The following PRKN variants were observed in gnomAD, a reference collection of about 807,000 sequenced individuals.
PRKN encodes the protein parkin RBR E3 ubiquitin protein ligase, also known as E3 ubiquitin-protein ligase parkin.
Under a neutral mutation model 59.5 loss-of-function variants are expected in PRKN, and 56 were observed. The ratio of observed to expected loss-of-function variants is 0.94; its 90% CI spans 0.76 to 1.18. PRKN has a LOEUF of 1.18. Among genes scored for constraint, PRKN ranks in the 50% most tolerant of loss-of-function variants. The probability of loss-of-function intolerance (pLI) is 0.00; values close to 1 mark genes in which losing one functional copy is unlikely to be tolerated. For synonymous variants in PRKN, 250 were observed against 222.1 expected (o/e 1.13, Z -1.12); for missense variants, 657 against 596.4 (o/e 1.10, Z -1.06).
chr6:161,731,885 G>A (rs1044190625), intron 7 of PRKN, among the ~76,000 whole-genome samples: 18 of 152,078 alleles, frequency 1.2e-4, no homozygotes, highest in African/African-American at 4.3e-4. Context: ...TAACTGTGAC[G>A]ACTTGGTAGA....
chr6:162,702,449 C>T (rs371646480), intron 1 of PRKN, among the ~76,000 whole-genome samples: 10 of 151,998 alleles, frequency 6.6e-5, no homozygotes, highest in East Asian at 1.9e-4. Flanking sequence ...TTAAACAAAA[C>T]GGACAAAGAA....
chr6:161,735,369 A>G (rs991078978), intron 7 of PRKN, among the ~76,000 whole-genome samples: 4 of 152,126 alleles, frequency 2.6e-5, no homozygotes, highest in Non-Finnish European at 5.9e-5. Context: ...AAGAGTAAAT[A>G]TATTTTCTCT....
At chr6:162,077,586 C>T (rs1778880204) in intron 4 of PRKN, among the ~76,000 whole-genome samples, 1 of 152,018 alleles carries the variant, frequency 6.6e-6, no homozygotes, top group East Asian at 1.9e-4. Flanking sequence ...CAAAATAGCC[C>T]ATCCCACCAC....
chr6:161,707,892 C>A (rs1379399310), intron 7 of PRKN, among the ~76,000 whole-genome samples: 1 of 152,092 alleles, frequency 6.6e-6, no homozygotes, highest in Non-Finnish European at 1.5e-5. Flanking sequence ...TGGTTACTGG[C>A]TCTTAACATT....
rs1455060374 is a variant in PRKN at position 161,762,063 on chromosome 6, C to T, written c.871+23709G>A. Reference sequence around the variant, plus strand: ...TGGCATAGACGGGACAGAATTCCTACGGGTGAGGGCTGAAAAAACAACAGG... The same window carrying T: ...TGGCATAGACGGGACAGAATTCCTATGGGTGAGGGCTGAAAAAACAACAGG... On this transcript the variant is annotated intron_variant, in intron 7 of 11. Coordinates refer to ENST00000366898, the MANE Select transcript of PRKN (RefSeq NM_004562.3). Among the ~76,000 whole-genome samples, 5 of 152,102 alleles carry T rather than the reference C, an allele frequency of 3.3e-5. No individual in the cohort carries two copies. The South Asian group carries it at 6.2e-4, about 19-fold the overall frequency.
chr6:162,263,477 G>A (rs2128100498), intron 2 of PRKN, among the ~76,000 whole-genome samples: 1 of 152,186 alleles, frequency 6.6e-6, no homozygotes, highest in Middle Eastern at 3.4e-3. Flanking sequence ...GCCACCCAGG[G>A]TTCATTCTCT....
intron 1 of PRKN, among the ~76,000 whole-genome samples, chr6:162,622,622 T>G (rs1782722258): frequency 6.6e-6 from 1 of 152,224 alleles, no homozygotes; most frequent in Admixed American, 6.5e-5. Flanking sequence ...AATATCTGAT[T>G]GATGATTCTT....
At chr6:162,023,739 C>G (rs978627825) in intron 5 of PRKN, among the ~76,000 whole-genome samples, 2 of 152,078 alleles carry the variant, frequency 1.3e-5, no homozygotes, top group Admixed American at 6.5e-5. Context: ...GAAAGCAGGA[C>G]TACCTGTCTT....
chr6:161,478,345 T>C (rs1251261832), intron 9 of PRKN, among the ~76,000 whole-genome samples: 1 of 152,172 alleles, frequency 6.6e-6, no homozygotes, highest in Non-Finnish European at 1.5e-5. Context: ...TCCACGGGAA[T>C]GTGAGATTTA....
intron 6 of PRKN, among the ~76,000 whole-genome samples, chr6:161,866,524 G>A (rs1794117474): frequency 1.3e-5 from 2 of 152,082 alleles, no homozygotes; most frequent in South Asian, 4.1e-4. Flanking sequence ...GCAGTGAGCT[G>A]AGATCGCACC....
At chr6:162,486,200 G>C (rs1449645184) in intron 1 of PRKN, among the ~76,000 whole-genome samples, 1 of 152,118 alleles carries the variant, frequency 6.6e-6, no homozygotes, top group Non-Finnish European at 1.5e-5. Context: ...TCTTAAAGCT[G>C]CATTACTACT....
At chr6:161,710,644 T>G (rs778748924) in intron 7 of PRKN, among the ~76,000 whole-genome samples, 1 of 152,194 alleles carries the variant, frequency 6.6e-6, no homozygotes, top group Non-Finnish European at 1.5e-5. Context: ...TCTACACTTC[T>G]AGAGAACTGT....
chr6:162,459,684 T>C (rs957249844), intron 1 of PRKN, among the ~76,000 whole-genome samples: 3 of 152,200 alleles, frequency 2.0e-5, no homozygotes, highest in Non-Finnish European at 4.4e-5. Context: ...GTTATAAGTA[T>C]GAAATGTCTG....
intron 9 of PRKN, among the ~76,000 whole-genome samples, chr6:161,486,918 T>G (rs561475117): frequency 6.6e-6 from 1 of 152,206 alleles, no homozygotes; most frequent in East Asian, 1.9e-4. Flanking sequence ...GACCTGATTT[T>G]TCCCCTCAGG....
chr6:161,586,592 C>T (rs905757118), intron 7 of PRKN, among the ~76,000 whole-genome samples: 1 of 152,072 alleles, frequency 6.6e-6, no homozygotes, highest in African/African-American at 2.4e-5. Flanking sequence ...CTTCCTACTG[C>T]TATTTCCACT....
chr6:162,258,714 T>C (rs1183634089), intron 3 of PRKN, among the ~76,000 whole-genome samples: 4 of 152,194 alleles, frequency 2.6e-5, no homozygotes. Flanking sequence ...ATCTGTGCTT[T>C]TATAGGTCCT....
At chr6:161,785,708 A>G in intron 7 of PRKN, 64 bp downstream of exon 7, 2 of 1,525,110 alleles carry the variant, frequency 1.3e-6, no homozygotes, top group Non-Finnish European at 1.8e-6. Context: ...CCAGTTTTAC[A>G]TCAATAATTG....
At chr6:161,436,806 G>A (rs141306964) in intron 9 of PRKN, among the ~76,000 whole-genome samples, 2 of 152,174 alleles carry the variant, frequency 1.3e-5, no homozygotes, top group East Asian at 3.9e-4. Flanking sequence ...TGTAAGAGTA[G>A]CTTTCAGTGT....
chr6:162,324,989 T>C (rs1040129770), intron 2 of PRKN, among the ~76,000 whole-genome samples: 9 of 152,086 alleles, frequency 5.9e-5, no homozygotes, highest in Non-Finnish European at 1.0e-4. Context: ...GATTTCCCAG[T>C]AATTTAATTT....
Sources: gnomAD v4.1 joint callset for allele counts (sites outside exome capture counted in the v4.1 genomes callset) on GRCh38, gnomAD v4.1.1 for gene constraint, MANE v1.5 for transcripts, NCBI Gene and HGNC (gene_info 2026-07-23, HGNC 2026-07-21) for gene names.